The following KIAA1217 variants were observed in gnomAD, a reference collection of about 807,000 sequenced individuals.
KIAA1217 encodes the protein sickle tail protein homolog.
In KIAA1217, 88 loss-of-function variants were observed where a neutral mutation model predicts 163.9. That is an observed-to-expected ratio of 0.54 (90% CI 0.45 to 0.64). The LOEUF is 0.64. Among genes scored for constraint, KIAA1217 ranks in the 30% least tolerant of loss-of-function variants. The pLI, the probability that KIAA1217 is intolerant of heterozygous loss-of-function variation, is 0.00. For missense variants in KIAA1217, 2,372 were observed against 2,475.0 expected (o/e 0.96, Z 0.88); for synonymous variants, 903 against 923.1 (o/e 0.98, Z 0.39).
chr10:24,161,646 T>C (rs777581297), intron 2 of KIAA1217, among the ~76,000 whole-genome samples: 2 of 152,198 alleles, frequency 1.3e-5, no homozygotes, highest in Non-Finnish European at 2.9e-5. Context: ...AAAGTCGCAA[T>C]AAAGAAAGTT....
chr10:24,432,945 T>C (rs538577006), intron 3 of KIAA1217, 50 bp from the exon 4 acceptor site: 49 of 1,473,672 alleles, frequency 3.3e-5, no homozygotes, highest in South Asian at 2.0e-4. Context: ...TTGTGCTGTG[T>C]GTCCCCTGAG....
At chr10:23,924,195 G>T (rs940673874) in intron 1 of KIAA1217, among the ~76,000 whole-genome samples, 4 of 139,108 alleles carry the variant, frequency 2.9e-5, no homozygotes, top group African/African-American at 1.0e-4. Flanking sequence ...TAAGTTCTAG[G>T]ATACATGTGC....
chr10:23,850,145 C>T (rs1003659873), intron 1 of KIAA1217, among the ~76,000 whole-genome samples: 2 of 152,010 alleles, frequency 1.3e-5, no homozygotes, highest in African/African-American at 4.8e-5. Flanking sequence ...AAAAGAACAA[C>T]CCACAGGTGC....
intron 9 of KIAA1217, among the ~76,000 whole-genome samples, chr10:24,508,115 A>G (rs573910105): frequency 6.6e-6 from 1 of 152,334 alleles, no homozygotes; most frequent in South Asian, 2.1e-4. Context: ...AAATATATGT[A>G]ACAAATCCTT....
At chr10:23,880,045 A>G (rs1353983007) in intron 1 of KIAA1217, among the ~76,000 whole-genome samples, 1 of 151,848 alleles carries the variant, frequency 6.6e-6, no homozygotes, top group Non-Finnish European at 1.5e-5. Flanking sequence ...CTGTTTTCTC[A>G]GGGAAATAAG....
At chr10:24,080,297 G>A (rs1053012119) in intron 2 of KIAA1217, among the ~76,000 whole-genome samples, 3 of 152,202 alleles carry the variant, frequency 2.0e-5, no homozygotes, top group African/African-American at 7.2e-5. Flanking sequence ...GCTGTAAGCT[G>A]TTTGGTTGTT....
intron 1 of KIAA1217, among the ~76,000 whole-genome samples, chr10:24,000,724 G>A (rs144280535): frequency 6.6e-6 from 1 of 152,338 alleles, no homozygotes; most frequent in South Asian, 2.1e-4. Flanking sequence ...AGATTGATGA[G>A]CATGAGAAAA....
At chr10:23,884,533 A>G (rs1841090441) in intron 1 of KIAA1217, among the ~76,000 whole-genome samples, 1 of 151,934 alleles carries the variant, frequency 6.6e-6, no homozygotes, top group Non-Finnish European at 1.5e-5. Context: ...CCACAGCCTT[A>G]TTTCATGTCA....
At chr10:24,004,469 A>C (rs745992660) in intron 1 of KIAA1217, among the ~76,000 whole-genome samples, 1 of 152,236 alleles carries the variant, frequency 6.6e-6, no homozygotes, top group Non-Finnish European at 1.5e-5. Context: ...TTTGTGTAAA[A>C]ATAATAAAAC....
At chr10:24,072,168 G>A (rs891957635) in intron 2 of KIAA1217, among the ~76,000 whole-genome samples, 9 of 151,960 alleles carry the variant, frequency 5.9e-5, no homozygotes, top group African/African-American at 2.2e-4. Context: ...TAGGACTAAA[G>A]GCACATACCA....
rs200060214 is a variant in KIAA1217, at chr10:24,437,843, GT to G, written c.753-528del. ...AAAGATATTAGATCTTTTTGGTACT[GT>G]TTTTTTTTTTTTTTCTGGACTCCAG... On this transcript the variant is annotated intron_variant, in intron 4 of 20. Coordinates refer to ENST00000376454, the MANE Select transcript of KIAA1217 (RefSeq NM_019590.5). Among the ~76,000 whole-genome samples, 256 of 88,170 alleles carry G rather than the reference GT, an allele frequency of 2.9e-3. 1 individual carries two copies. Among genetic ancestry groups the G allele is most frequent in the East Asian group, 0.014 (45 of 3,148 alleles). 57.8% of individuals were successfully genotyped at this position (88,170 alleles called of 152,430 possible). A position where few individuals can be genotyped will look rare whatever the true frequency, so the allele number is the denominator to read the frequency against.
chr10:23,760,665 G>C (rs1423035354), intron 1 of KIAA1217, among the ~76,000 whole-genome samples: 2 of 152,226 alleles, frequency 1.3e-5, no homozygotes, highest in Non-Finnish European at 2.9e-5. Flanking sequence ...AACAAGTCAG[G>C]TGTGGTGGCT....
intron 2 of KIAA1217, among the ~76,000 whole-genome samples, chr10:24,102,512 A>T (rs930864245): frequency 6.6e-6 from 1 of 152,194 alleles, no homozygotes; most frequent in Non-Finnish European, 1.5e-5. Context: ...AATCCCTGAA[A>T]GTTATTTCAT....
At chr10:24,428,754 A>G (rs1182063674) in intron 3 of KIAA1217, among the ~76,000 whole-genome samples, 1 of 151,936 alleles carries the variant, frequency 6.6e-6, no homozygotes, top group Non-Finnish European at 1.5e-5. Flanking sequence ...AGCCCCAGTT[A>G]CTTGAGAAGA....
At chr10:24,461,623 TG>T (rs2062419040) in intron 5 of KIAA1217, among the ~76,000 whole-genome samples, 1 of 152,232 alleles carries the variant, frequency 6.6e-6, no homozygotes, top group African/African-American at 2.4e-5. Flanking sequence ...CCCACAGTGC[TG>T]GGATTACAGG....
chr10:24,177,792 C>T (rs2065981538), intron 2 of KIAA1217, among the ~76,000 whole-genome samples: 1 of 152,014 alleles, frequency 6.6e-6, no homozygotes, highest in Admixed American at 6.6e-5. Flanking sequence ...GAGTCAGGAC[C>T]ATTACATCTC....
At chr10:24,440,319 T>C (rs1055284990) in intron 5 of KIAA1217, among the ~76,000 whole-genome samples, 2 of 152,224 alleles carry the variant, frequency 1.3e-5, no homozygotes, top group African/African-American at 4.8e-5. Context: ...ACTCTGTTAT[T>C]CTCTTTCTTG....
rs76210216 is a variant in KIAA1217, at chr10:24,203,211, A to G, written c.-170-16415A>G. 2.4e-3 allele frequency among the ~76,000 whole-genome samples: 361 copies of G among 151,830 alleles called. 6 individuals carry two copies. The East Asian group carries it at 0.052, about 22-fold the overall frequency. On this transcript the variant is annotated intron_variant, in intron 2 of 18. Transcript: ENST00000376462. ...AAAAAAAAAAAAAGAAAGAAGAAGA[A>G]GAGAGATACCTCCCCTTTTATTCTT... is the stretch of plus-strand genomic sequence containing the variant.
At chr10:24,404,024 A>G (rs1287919720) in intron 3 of KIAA1217, among the ~76,000 whole-genome samples, 1 of 152,044 alleles carries the variant, frequency 6.6e-6, no homozygotes, top group Non-Finnish European at 1.5e-5. Context: ...CGGCGTAATC[A>G]CAGTTCCACC....
Sources: allele counts gnomAD v4.1 joint callset (sites outside exome capture counted in the v4.1 genomes callset), GRCh38; gene constraint gnomAD v4.1.1; transcripts MANE v1.5; gene names NCBI Gene and HGNC (gene_info 2026-07-23, HGNC 2026-07-21).